The following RGS3 variants were observed in gnomAD, a reference collection of about 807,000 sequenced individuals.
The protein encoded by RGS3 is regulator of G-protein signalling 3.
A neutral mutation model predicts 132.6 loss-of-function variants in RGS3; 80 were observed. The ratio of observed to expected loss-of-function variants is 0.60; its 90% confidence interval spans 0.50 to 0.73. The LOEUF (loss-of-function observed/expected upper bound fraction) is 0.73, where lower values mean the gene tolerates loss of function less well. Ranked by LOEUF, RGS3 falls within the 30% of genes least tolerant of loss-of-function variation. The pLI is 0.00. For missense variants in RGS3, 1,382 were observed against 1,530.8 expected, an observed-to-expected ratio of 0.90 and a Z score of 1.62; for synonymous variants, 598 against 620.6, an observed-to-expected ratio of 0.96 and a Z score of 0.54.
At chr9:113,590,565 C>CATCCACCTATCCACAT (rs1554788530) in intron 20 of RGS3, among the ~76,000 whole-genome samples, 3 of 138,916 alleles carry the variant, frequency 2.2e-5, no homozygotes, top group African/African-American at 1.0e-4. Flanking sequence ...CATATCCATC[C>CATCCACCTATCCACAT]ATCCATCCAT....
At chr9:113,510,122 G>C (rs10481640) in intron 14 of RGS3, among the ~76,000 whole-genome samples, 21,580 of 150,814 alleles carry the variant, frequency 0.14, 1,662 homozygotes, top group African/African-American at 0.2. Flanking sequence ...CAAAGTCCAT[G>C]GTATCATTCT....
intron 1 of RGS3, among the ~76,000 whole-genome samples, chr9:113,447,321 ATGTATATG>A (rs1374017650): frequency 2.4e-4 from 19 of 78,356 alleles, no homozygotes; most frequent in African/African-American, 8.1e-4. Flanking sequence ...ATTCTGATGT[ATGTATATG>A]TATATATATA....
Position 113,588,819 on chromosome 9 carries a change from A to G in RGS3, c.3016-2514A>G, listed in dbSNP as rs566962003. On this transcript the variant is annotated intron_variant, in intron 20 of 24. Coordinates refer to ENST00000350696, the Ensembl canonical transcript of RGS3. ...ACAGCCCTTTGAGGGAAGTCCGGTTATTACCCGCATTTTACAAATAAGGAA... is the reference window on the plus strand; with the variant it reads ...ACAGCCCTTTGAGGGAAGTCCGGTTGTTACCCGCATTTTACAAATAAGGAA... Among the ~76,000 whole-genome samples, 9 of 152,302 alleles carry G rather than the reference A, an allele frequency of 5.9e-5. No homozygotes were observed. In the South Asian group the frequency reaches 1.9e-3, roughly 32 times the overall value.
At chr9:113,562,476 C>CAAAA (rs1184135248) in intron 19 of RGS3, among the ~76,000 whole-genome samples, 3 of 68,530 alleles carry the variant, frequency 4.4e-5, no homozygotes, top group African/African-American at 5.4e-5. Flanking sequence ...GACTCTGTCT[C>CAAAA]AAAAAAAAAA....
chr9:113,518,492 A>G (rs550151717), intron 16 of RGS3, among the ~76,000 whole-genome samples: 160 of 152,360 alleles, frequency 1.1e-3, no homozygotes, highest in Middle Eastern at 3.4e-3. Context: ...CAGTAAGGGC[A>G]GGGTCAGAGG....
Position 113,584,170 on chromosome 9 carries a change from G to T in RGS3, c.2758G>T (p.Glu920Ter). 6.2e-7 allele frequency: 1 copy of T among 1,614,252 alleles called. No homozygotes were observed. The highest frequency in any genetic ancestry group is 1.1e-5 in the South Asian group (1 of 91,088). Residue 920 changes from glutamate (E) to a stop codon, truncating the protein, a stop_gained, in exon 20 of 25, where the codon GAG becomes TAG. Transcript: ENST00000350696. LOFTEE classifies it high-confidence loss of function. ...TGAGGCCAAGCGCAGCAGCATGATC[G>T]AGACGGGCCAGGGGGCTGAGGGTGG...
intron 19 of RGS3, among the ~76,000 whole-genome samples, chr9:113,539,075 C>T (rs1832796723): frequency 6.6e-6 from 1 of 152,342 alleles, no homozygotes; most frequent in South Asian, 2.1e-4. Flanking sequence ...TCTCTCCAGC[C>T]CTAGGTAGTT....
chr9:113,451,688 T>G (rs1223284770), intron 1 of RGS3, among the ~76,000 whole-genome samples: 1 of 152,036 alleles, frequency 6.6e-6, no homozygotes, highest in African/African-American at 2.4e-5. Context: ...GGGTGTTTTT[T>G]TTTTTTAAGT....
chr9:113,583,621 A>G, exon 20 of RGS3: 1 of 1,614,070 alleles, frequency 6.2e-7, no homozygotes. Flanking sequence ...ACCCGCTCCC[A>G]GCCAAGAACC....
intron 1 of RGS3, among the ~76,000 whole-genome samples, chr9:113,449,418 G>A (rs111388289): frequency 0.041 from 6,237 of 152,292 alleles, 166 homozygotes; most frequent in South Asian, 0.1. Context: ...CCTTTACAAT[G>A]AAATTGTGGT....
At chr9:113,524,736 C>T (rs1832121659) in intron 17 of RGS3, among the ~76,000 whole-genome samples, 1 of 152,176 alleles carries the variant, frequency 6.6e-6, no homozygotes, top group Non-Finnish European at 1.5e-5. Context: ...GCTCTGATGC[C>T]CTCACACAGA....
At chr9:113,517,409 C>T (rs1037648336) in intron 15 of RGS3, 132 bp from the exon 14 acceptor site, 56 of 737,236 alleles carry the variant, frequency 7.6e-5, no homozygotes, top group Middle Eastern at 2.6e-4. Context: ...GTTCTCGGGT[C>T]GGTGGCGGGC....
chr9:113,541,330 C>CT, intron 19 of RGS3: 1 of 1,613,408 alleles, frequency 6.2e-7, no homozygotes, highest in Non-Finnish European at 8.5e-7. Flanking sequence ...AAACTCCACC[C>CT]TTTCGGCTCT....
Position 113,506,245 on chromosome 9 carries a change from C to A in RGS3, c.980-143C>A. 1 of 610,092 alleles carries A rather than the reference C, an allele frequency of 1.6e-6. No individual in the cohort carries two copies. Among genetic ancestry groups the A allele is most frequent in the Non-Finnish European group, 3.0e-6 (1 of 336,326 alleles). The allele number at this position is 610,092 out of a possible 1,614,324, so 37.8% of individuals were successfully genotyped here. ...CAAGGCTCTTGAGAGGCACCAAGTT[C>A]AGTCCCTCATTTCACGGATGAAGAA... On this transcript the variant is annotated intron_variant, in intron 11 of 24. Transcript: ENST00000350696. This position sits in a 1 kb window ranked among gnomAD's most constrained non-coding sequence, Gnocchi z 4.7.
chr9:113,564,903 C>T (rs376983937), intron 19 of RGS3: 24 of 992,182 alleles, frequency 2.4e-5, no homozygotes, highest in African/African-American at 1.4e-4. Context: ...GGAACAGCGT[C>T]GGGGTGGGGG....
chr9:113,495,939 T>C, intron 8 of RGS3, 93 bp downstream of exon 6: 1 of 1,132,318 alleles, frequency 8.8e-7, no homozygotes, highest in Non-Finnish European at 1.3e-6. Flanking sequence ...GCAGGGCTTC[T>C]CTCTGTGAGA....
exon 20 of RGS3, chr9:113,584,203 C>T (rs1324239842): frequency 6.2e-7 from 1 of 1,613,988 alleles, no homozygotes; most frequent in African/African-American, 1.3e-5. Flanking sequence ...TGGCCTCTCA[C>T]TGCGTGTGCA....
At chr9:113,557,290 C>G (rs946278879) in intron 19 of RGS3, among the ~76,000 whole-genome samples, 1 of 152,226 alleles carries the variant, frequency 6.6e-6, no homozygotes, top group Non-Finnish European at 1.5e-5. Context: ...TAGGTGTTGG[C>G]TCACTCCCTT....
At chr9:113,484,540 G>A (rs1176555450) in intron 6 of RGS3, among the ~76,000 whole-genome samples, 1 of 152,178 alleles carries the variant, frequency 6.6e-6, no homozygotes, top group African/African-American at 2.4e-5. Context: ...TTCCCACTGT[G>A]CCTTGGGCCA....
Sources: gnomAD v4.1 joint callset for allele counts (sites outside exome capture counted in the v4.1 genomes callset) on GRCh38, gnomAD v4.1.1 for gene constraint, Gnocchi (gnomAD v3.1) non-coding constraint, MANE v1.5 for transcripts, NCBI Gene and HGNC (gene_info 2026-07-23, HGNC 2026-07-21) for gene names.